Variants in ITGA11 observed in about 807,000 individuals in gnomAD.
The protein encoded by ITGA11 is integrin subunit alpha 11, also known as integrin alpha-11.
Under a neutral mutation model 141.9 loss-of-function variants are expected in ITGA11, and 97 were observed. That is an observed-to-expected ratio of 0.68 (90% CI 0.58 to 0.81). The LOEUF is 0.81. Ranked by LOEUF, ITGA11 falls within the 30% of genes least tolerant of loss-of-function variation. The probability of loss-of-function intolerance (pLI) is 0.00; values close to 1 mark genes in which losing one functional copy is unlikely to be tolerated. For synonymous variants in ITGA11, 658 were observed against 624.6 expected (o/e 1.05, Z -0.80); for missense variants, 1,387 against 1,559.2 (o/e 0.89, Z 1.86).
intron 1 of ITGA11, among the ~76,000 whole-genome samples, chr15:68,404,855 G>A (rs951479894): frequency 3.3e-5 from 5 of 152,176 alleles, no homozygotes; most frequent in African/African-American, 1.2e-4. Flanking sequence ...TTTTATCATT[G>A]TTGCCCCTTT....
chr15:68,412,298 C>T (rs1467575327), intron 1 of ITGA11, among the ~76,000 whole-genome samples: 1 of 152,118 alleles, frequency 6.6e-6, no homozygotes, highest in East Asian at 1.9e-4. Flanking sequence ...TACTCAAGAT[C>T]TCATCAGGAA....
chr15:68,339,417 C>T (rs1487998905), intron 11 of ITGA11, 83 bp downstream of exon 11: 12 of 1,469,278 alleles, frequency 8.2e-6, no homozygotes, highest in East Asian at 4.9e-5. Context: ...GCCCCTCACT[C>T]GTGTGTGGGC....
At chr15:68,329,345 C>T in intron 15 of ITGA11, among the ~76,000 whole-genome samples, 1 of 152,176 alleles carries the variant, frequency 6.6e-6, no homozygotes. Flanking sequence ...CTGCCCAGGT[C>T]CCTCCACAGA....
intron 10 of ITGA11, chr15:68,340,673 ACT>A (rs1461244274): frequency 1.3e-5 from 2 of 152,008 alleles, no homozygotes; most frequent in African/African-American, 2.4e-5. Flanking sequence ...AAGACAGGAA[ACT>A]CTGGCTCCTT....
At chr15:68,314,179 C>T (rs984589362) in intron 22 of ITGA11, among the ~76,000 whole-genome samples, 13 of 152,182 alleles carry the variant, frequency 8.5e-5, no homozygotes, top group African/African-American at 3.1e-4. Context: ...CCAGATGCCC[C>T]GTCTGTCAGG....
At chr15:68,386,927 G>A (rs373060327) in intron 2 of ITGA11, among the ~76,000 whole-genome samples, 45 of 150,982 alleles carry the variant, frequency 3.0e-4, no homozygotes, top group Middle Eastern at 3.4e-3. Context: ...GGACAGGGCA[G>A]CCTCCCTTCG....
intron 1 of ITGA11, among the ~76,000 whole-genome samples, chr15:68,421,554 G>A (rs1255175130): frequency 6.6e-6 from 1 of 152,130 alleles, no homozygotes; most frequent in Non-Finnish European, 1.5e-5. Context: ...GGCCAGTGAG[G>A]GGGCTGTGGC....
At chr15:68,374,933 A>G (rs1895690643) in intron 2 of ITGA11, among the ~76,000 whole-genome samples, 1 of 152,232 alleles carries the variant, frequency 6.6e-6, no homozygotes, top group Non-Finnish European at 1.5e-5. Context: ...TTTGATCTCC[A>G]GGACAGCTTT....
At chr15:68,318,992 T>G (rs971215282) in intron 20 of ITGA11, among the ~76,000 whole-genome samples, 2 of 152,216 alleles carry the variant, frequency 1.3e-5, no homozygotes, top group African/African-American at 4.8e-5. Context: ...TCTTGCCACC[T>G]GGGAGTCAAG....
At position 68,298,217 on chromosome 15, in the gene ITGA11, T is replaced by G. The variant is rs573619115; in HGVS notation, c.*4842A>C. The G allele has an allele frequency of 5.9e-5, 9 of 152,348 alleles. No homozygotes were observed. In the South Asian group the frequency reaches 1.9e-3, roughly 32 times the overall value. The allele number at this position is 152,348 out of a possible 1,614,324, so 9.4% of individuals were successfully genotyped here. ...CAAATTTTAGGTGGTTCACAAAACC[T>G]TAGCTTGTTGGCAAGTTTAGACAAA... is the stretch of plus-strand genomic sequence containing the variant. On this transcript the variant is annotated 3_prime_UTR_variant, in exon 30 of 30. Coordinates refer to ENST00000315757, the MANE Select transcript of ITGA11 (RefSeq NM_001004439.2).
At chr15:68,392,477 T>C (rs1489732338) in intron 2 of ITGA11, among the ~76,000 whole-genome samples, 1 of 151,894 alleles carries the variant, frequency 6.6e-6, no homozygotes, top group Non-Finnish European at 1.5e-5. Flanking sequence ...GGGATTGGAG[T>C]TGGGGCTGCA....
intron 1 of ITGA11, among the ~76,000 whole-genome samples, chr15:68,416,640 TC>T: frequency 6.6e-6 from 1 of 152,128 alleles, no homozygotes; most frequent in East Asian, 1.9e-4. Flanking sequence ...AGAACAAGGG[TC>T]ATGGCTGGGT....
At chr15:68,408,623 G>T (rs962840786) in intron 1 of ITGA11, among the ~76,000 whole-genome samples, 2 of 152,134 alleles carry the variant, frequency 1.3e-5, no homozygotes, top group African/African-American at 4.8e-5. Context: ...TGGGCTGGGT[G>T]CTCAGGAAGC....
At chr15:68,353,958 A>G (rs1364254871) in intron 7 of ITGA11, among the ~76,000 whole-genome samples, 1 of 151,948 alleles carries the variant, frequency 6.6e-6, no homozygotes, top group Admixed American at 6.6e-5. Context: ...CAGGCACACC[A>G]AGCCTTTCTC....
At chr15:68,350,831 T>C (rs1016668330) in intron 8 of ITGA11, 49 bp from the exon 9 acceptor site, 1 of 1,571,658 alleles carries the variant, frequency 6.4e-7, no homozygotes, top group East Asian at 2.3e-5. Flanking sequence ...TAGCACAGAC[T>C]TTCCCATACA....
intron 1 of ITGA11, among the ~76,000 whole-genome samples, chr15:68,427,451 T>C (rs865903778): frequency 1.2e-4 from 19 of 152,260 alleles, no homozygotes; most frequent in Middle Eastern, 6.8e-3. Flanking sequence ...ATCCGGGCAG[T>C]CTAGGTCCTA....
chr15:68,330,998 G>A lies in ITGA11; in HGVS notation c.1884C>T (p.Gly628=), dbSNP rs1894136788. Residue 628 remains glycine (G), a synonymous_variant, in exon 15 of 30, where the codon GGC becomes GGT. Coordinates refer to ENST00000315757, the MANE Select transcript of ITGA11 (RefSeq NM_001004439.2). ...GLIDLAVGAL[G]NAVILWSRPV... ...GAACCAACCACAGAATCACAGCGTTGCCAAGGGCTCCCACTGCCAGGTCGA... is the reference window on the plus strand; with the variant it reads ...GAACCAACCACAGAATCACAGCGTTACCAAGGGCTCCCACTGCCAGGTCGA... 1.2e-6 allele frequency: 2 copies of A among 1,613,782 alleles called. No homozygotes were observed. The highest frequency in any genetic ancestry group is 1.3e-5 in the African/African-American group (1 of 74,914).
intron 2 of ITGA11, among the ~76,000 whole-genome samples, chr15:68,393,232 A>G (rs924435117): frequency 1.3e-5 from 2 of 152,216 alleles, no homozygotes; most frequent in African/African-American, 4.8e-5. Context: ...CAGAAATATG[A>G]GAAATATGGC....
At chr15:68,388,905 T>G (rs1043838566) in intron 2 of ITGA11, among the ~76,000 whole-genome samples, 2 of 152,190 alleles carry the variant, frequency 1.3e-5, no homozygotes, top group African/African-American at 4.8e-5. Flanking sequence ...ATTTAGGAAC[T>G]CCATGGTAGG....
Sources: gnomAD v4.1 joint callset for allele counts (sites outside exome capture counted in the v4.1 genomes callset) on GRCh38, gnomAD v4.1.1 for gene constraint, MANE v1.5 for transcripts, NCBI Gene and HGNC (gene_info 2026-07-23, HGNC 2026-07-21) for gene names.